ATAD1: variants seen among roughly 807,000 people sequenced by gnomAD.
The protein encoded by ATAD1 is outer mitochondrial transmembrane helix translocase.
A neutral mutation model predicts 42.7 loss-of-function variants in ATAD1; 18 were observed. The ratio of observed to expected loss-of-function variants is 0.42; its 90% CI spans 0.29 to 0.63. The LOEUF is 0.63. Among genes scored for constraint, ATAD1 ranks in the 20% least tolerant of loss-of-function variants. ATAD1 has a pLI of 0.19. For missense variants in ATAD1, 294 were observed against 440.4 expected (o/e 0.67, Z 2.98); for synonymous variants, 132 against 143.1 (o/e 0.92, Z 0.55).
rs746470165 is a variant in ATAD1, at chr10:87,814,530, T to C, written c.70A>G (p.Thr24Ala). ...NEVVGLIFRL[T>A]IFGAVTYFTI... ...AAGTATGTCACTGCACCAAATATTGTCAAACGGAAAATTAAACCAACAACT... is the reference window on the plus strand; with the variant it reads ...AAGTATGTCACTGCACCAAATATTGCCAAACGGAAAATTAAACCAACAACT... Residue 24 changes from threonine to alanine, a missense_variant, in exon 2 of 10, where the codon ACA becomes GCA. Transcript: ENST00000680024. 35 of 1,612,234 alleles carry C rather than the reference T, an allele frequency of 2.2e-5. No individual in the cohort carries two copies. The highest frequency in any genetic ancestry group is 3.0e-5 in the Non-Finnish European group (35 of 1,179,128).
intron 2 of ATAD1, among the ~76,000 whole-genome samples, chr10:87,809,718 G>A (rs1343053416): frequency 2.0e-5 from 3 of 151,596 alleles, no homozygotes; most frequent in Non-Finnish European, 4.4e-5. Context: ...GTGCAATGGC[G>A]CAATCTCGGC....
intron 8 of ATAD1, among the ~76,000 whole-genome samples, chr10:87,761,577 A>G (rs1854486301): frequency 6.6e-6 from 1 of 152,082 alleles, no homozygotes; most frequent in Admixed American, 6.5e-5. Flanking sequence ...CGGGGGGATC[A>G]CTTGAGCCCA....
chr10:87,791,030 CA>C (rs34722647), intron 3 of ATAD1, among the ~76,000 whole-genome samples: 814 of 66,230 alleles, frequency 0.012, 8 homozygotes, highest in African/African-American at 0.037. Flanking sequence ...ACTAAAATTA[CA>C]AAAAAAAAAA....
At position 87,818,003 on chromosome 10, in the gene ATAD1, A is replaced by G. The variant is rs1417916847; in HGVS notation, c.-14+164T>C. On this transcript the variant is annotated intron_variant, in intron 1 of 9. Transcript: ENST00000680024. ...ACGCCCTTGGAGGTTAATCCTCTAG[A>G]TACTAAGGGCTGCGGGGCGCTTGGG... The G allele has an allele frequency of 1.9e-5, 19 of 985,544 alleles. No individual in the cohort carries two copies. The Admixed American group carries it at 1.2e-3, about 61-fold the overall frequency. The allele number at this position is 985,544 out of a possible 1,614,324, so 61.0% of individuals were successfully genotyped here.
intron 1 of ATAD1, among the ~76,000 whole-genome samples, chr10:87,815,360 C>T (rs866231393): frequency 6.6e-6 from 1 of 152,040 alleles, no homozygotes; most frequent in Non-Finnish European, 1.5e-5. Flanking sequence ...TTACAGAAGA[C>T]ATACACTCCT....
intron 8 of ATAD1, among the ~76,000 whole-genome samples, chr10:87,759,354 T>TA (rs1010382900): frequency 1.0e-3 from 152 of 149,656 alleles, no homozygotes; most frequent in African/African-American, 3.4e-3. Context: ...TGTACTTAAT[T>TA]AAAAAAAAAA....
chr10:87,803,035 A>G (rs979995129), intron 2 of ATAD1, among the ~76,000 whole-genome samples: 3 of 152,250 alleles, frequency 2.0e-5, no homozygotes, highest in African/African-American at 4.8e-5. Flanking sequence ...AGAAAAGAAC[A>G]GCAACTTAGT....
At chr10:87,792,114 A>G (rs1275550404) in intron 3 of ATAD1, among the ~76,000 whole-genome samples, 1 of 152,252 alleles carries the variant, frequency 6.6e-6, no homozygotes, top group Non-Finnish European at 1.5e-5. Flanking sequence ...TTAGAAAGGC[A>G]TATTTGCAAG....
chr10:87,783,783 T>A (rs1589502624), intron 5 of ATAD1, among the ~76,000 whole-genome samples: 1 of 151,860 alleles, frequency 6.6e-6, no homozygotes, highest in Non-Finnish European at 1.5e-5. Flanking sequence ...TGGAAAAGAA[T>A]GAAATTAGAT....
intron 2 of ATAD1, among the ~76,000 whole-genome samples, chr10:87,802,775 G>C (rs1856763498): frequency 6.6e-6 from 1 of 152,146 alleles, no homozygotes; most frequent in Non-Finnish European, 1.5e-5. Context: ...ACTGGAGACA[G>C]AGAAATTATG....
At chr10:87,835,837 T>C (rs1244712090) in intron 1 of ATAD1, among the ~76,000 whole-genome samples, 1 of 152,212 alleles carries the variant, frequency 6.6e-6, no homozygotes, top group African/African-American at 2.4e-5. Flanking sequence ...TTTTTAATGA[T>C]TGGGATCAAA....
chr10:87,774,979 T>C (rs1855224419), intron 6 of ATAD1, among the ~76,000 whole-genome samples: 1 of 151,502 alleles, frequency 6.6e-6, no homozygotes, highest in Non-Finnish European at 1.5e-5. Flanking sequence ...AAACATGAAA[T>C]AGAAATAAGG....
At chr10:87,828,371 G>A (rs1187797250) in intron 1 of ATAD1, among the ~76,000 whole-genome samples, 4 of 152,130 alleles carry the variant, frequency 2.6e-5, no homozygotes, top group African/African-American at 9.7e-5. Context: ...AGATGGTCTG[G>A]GTAGAAGATC....
intron 2 of ATAD1, among the ~76,000 whole-genome samples, chr10:87,810,191 C>T (rs1258770381): frequency 6.6e-6 from 1 of 151,810 alleles, no homozygotes; most frequent in African/African-American, 2.4e-5. Context: ...ATATTTCATA[C>T]TTTCCAAACT....
chr10:87,805,882 A>G (rs1416878845), intron 2 of ATAD1, among the ~76,000 whole-genome samples: 1 of 151,926 alleles, frequency 6.6e-6, no homozygotes, highest in Non-Finnish European at 1.5e-5. Flanking sequence ...AATTTCACTA[A>G]ATTTACTGAT....
chr10:87,831,711 A>G (rs1395752476), intron 1 of ATAD1, among the ~76,000 whole-genome samples: 1 of 152,222 alleles, frequency 6.6e-6, no homozygotes, highest in Non-Finnish European at 1.5e-5. Flanking sequence ...TACAACAAAT[A>G]TAATTTGGCT....
intron 1 of ATAD1, among the ~76,000 whole-genome samples, chr10:87,827,243 GTATT>G (rs1554886949): frequency 2.0e-5 from 3 of 152,084 alleles, no homozygotes; most frequent in Non-Finnish European, 4.4e-5. Flanking sequence ...TTCTGTTTCA[GTATT>G]TATGCAGTAT....
intron 4 of ATAD1, 66 bp from the exon 5 acceptor site, chr10:87,784,736 T>C (rs1855745740): frequency 1.4e-6 from 2 of 1,434,652 alleles, no homozygotes; most frequent in African/African-American, 1.4e-5. Flanking sequence ...TGATAATCAA[T>C]AGAATAGTAA....
chr10:87,818,052 G>A, intron 1 of ATAD1, 115 bp downstream of exon 1: 2 of 985,728 alleles, frequency 2.0e-6, no homozygotes, highest in Non-Finnish European at 2.4e-6. Context: ...TAGGGCGTGG[G>A]AGAAGACCGG....
Sources: allele counts gnomAD v4.1 joint callset (sites outside exome capture counted in the v4.1 genomes callset), GRCh38; gene constraint gnomAD v4.1.1; transcripts MANE v1.5; gene names NCBI Gene and HGNC (gene_info 2026-07-23, HGNC 2026-07-21).